The following SCN2A variants were observed in gnomAD, a reference collection of about 807,000 sequenced individuals.
SCN2A encodes the protein sodium voltage-gated channel alpha subunit 2.
SCN2A carries 20 observed loss-of-function variants against 188.7 expected under a neutral mutation model. The observed-to-expected ratio is 0.11, with a 90% CI of 0.07 to 0.15. SCN2A has a LOEUF of 0.15. Ranked by LOEUF, SCN2A falls within the 10% of genes least tolerant of loss-of-function variation. The pLI is 1.00. For synonymous variants in SCN2A, 804 were observed against 833.1 expected, an observed-to-expected ratio of 0.97 and a Z score of 0.60; for missense variants, 1,278 against 2,445.0, an observed-to-expected ratio of 0.52 and a Z score of 10.07.
At chr2:165,296,549 C>A in intron 2 of SCN2A, 1 of 197,714 alleles carries the variant, frequency 5.1e-6, no homozygotes, top group Admixed American at 5.3e-5. Context: ...TTAATTATTC[C>A]TTTATACCAT....
At chr2:165,321,467 A>T (rs1698072600) in intron 11 of SCN2A, among the ~76,000 whole-genome samples, 1 of 152,148 alleles carries the variant, frequency 6.6e-6, no homozygotes, top group Non-Finnish European at 1.5e-5. Flanking sequence ...TTACTGTATT[A>T]ATCTGTTTTC....
intron 1 of SCN2A, among the ~76,000 whole-genome samples, chr2:165,280,004 C>T (rs1389835871): frequency 6.6e-6 from 1 of 152,176 alleles, no homozygotes; most frequent in Non-Finnish European, 1.5e-5. Context: ...CTTGCTCCTT[C>T]TTGCCTTCTG....
intron 14 of SCN2A, among the ~76,000 whole-genome samples, chr2:165,337,795 A>C (rs1489833442): frequency 6.6e-6 from 1 of 152,236 alleles, no homozygotes; most frequent in Non-Finnish European, 1.5e-5. Flanking sequence ...AAGAAATGTT[A>C]ATGGAAGTTC....
intron 25 of SCN2A, among the ~76,000 whole-genome samples, chr2:165,385,748 T>A (rs969173098): frequency 6.6e-6 from 1 of 152,158 alleles, no homozygotes; most frequent in East Asian, 1.9e-4. Flanking sequence ...AACTTTAAAA[T>A]GAAATTTAAG....
intron 20 of SCN2A, chr2:165,372,252 T>A (rs1701074220): frequency 2.0e-5 from 3 of 152,158 alleles, no homozygotes; most frequent in Non-Finnish European, 4.4e-5. Context: ...CAACTCATTG[T>A]TTTCTGTATT....
At chr2:165,261,786 A>G (rs1374412038) in intron 1 of SCN2A, among the ~76,000 whole-genome samples, 1 of 152,224 alleles carries the variant, frequency 6.6e-6, no homozygotes, top group African/African-American at 2.4e-5. Context: ...GATGGTTAAA[A>G]AAAAGGAAAA....
chr2:165,260,250 A>G (rs947311967), intron 1 of SCN2A, among the ~76,000 whole-genome samples: 1 of 151,972 alleles, frequency 6.6e-6, no homozygotes, highest in East Asian at 1.9e-4. Flanking sequence ...GCCAAAATGG[A>G]TTTCTTAATA....
chr2:165,266,784 A>G (rs1478935100), intron 1 of SCN2A: 1 of 152,126 alleles, frequency 6.6e-6, no homozygotes, highest in Non-Finnish European at 1.5e-5. Context: ...TCTGTACAAA[A>G]AAACCTGTTA....
intron 25 of SCN2A, among the ~76,000 whole-genome samples, chr2:165,383,904 A>G (rs1399953147): frequency 2.6e-5 from 4 of 152,070 alleles, no homozygotes; most frequent in Non-Finnish European, 5.9e-5. Context: ...AGAGTGAGAG[A>G]GTGAGAGGAA....
intron 1 of SCN2A, among the ~76,000 whole-genome samples, chr2:165,251,695 C>T (rs1694101335): frequency 6.6e-6 from 1 of 152,054 alleles, no homozygotes; most frequent in African/African-American, 2.4e-5. Context: ...TTGGGGTGCA[C>T]TCTGCTTTGT....
At chr2:165,303,491 G>A (rs1696952339) in intron 3 of SCN2A, among the ~76,000 whole-genome samples, 1 of 151,834 alleles carries the variant, frequency 6.6e-6, no homozygotes. Context: ...TAGCCAGGGT[G>A]GTCTCGATCT....
rs1230063449 is a variant in SCN2A at position 165,370,281 on chromosome 2, A to G, written c.3831A>G (p.Leu1277=). The G allele has an allele frequency of 1.2e-6, 2 of 1,614,126 alleles. No homozygotes were observed. The highest frequency in any genetic ancestry group is 3.3e-5 in the Admixed American group (2 of 60,018). Residue 1277 remains leucine (L), a synonymous_variant, in exon 20 of 27, where the codon CTA becomes CTG. Transcript: ENST00000375437. The part of the protein sequence containing the change: ...QVYFTNAWCW[L]DFLIVDVSLV... ...ATTTTACCAATGCCTGGTGCTGGCTAGACTTCCTGATTGTTGATGTGAGTA... is the reference window on the plus strand; with the variant it reads ...ATTTTACCAATGCCTGGTGCTGGCTGGACTTCCTGATTGTTGATGTGAGTA...
At position 165,370,400 on chromosome 2, in the gene SCN2A, C is replaced by T. The variant is rs2304011; in HGVS notation, c.3849+101C>T. The stretch of plus-strand genomic sequence containing the variant: ...TAGGCACTCAGTAACACTGTATCAG[C>T]CCAAATATAAATTATGTTTCTCATT... On this transcript the variant is annotated intron_variant, in intron 20 of 26. Transcript: ENST00000375437. 4.3e-3 allele frequency: 4,996 copies of T among 1,150,904 alleles called. 82 individuals carry two copies. The East Asian group carries it at 0.052, about 12-fold the overall frequency. The allele number at this position is 1,150,904 out of a possible 1,614,324, so 71.3% of individuals were successfully genotyped here. A position where few individuals can be genotyped will look rare whatever the true frequency, so the allele number is the denominator to read the frequency against.
intron 1 of SCN2A, among the ~76,000 whole-genome samples, chr2:165,282,964 CATT>C (rs1437985956): frequency 6.6e-6 from 1 of 152,158 alleles, no homozygotes; most frequent in African/African-American, 2.4e-5. Flanking sequence ...AGGAACTTGA[CATT>C]ATTTGTTGAA....
chr2:165,372,066 G>A (rs1701061773), intron 20 of SCN2A: 1 of 151,836 alleles, frequency 6.6e-6, no homozygotes, highest in African/African-American at 2.4e-5. Context: ...TCTCTTTTTG[G>A]TTCTGTCTTC....
intron 1 of SCN2A, among the ~76,000 whole-genome samples, chr2:165,283,996 A>C (rs1337647264): frequency 6.6e-6 from 1 of 151,978 alleles, no homozygotes; most frequent in Non-Finnish European, 1.5e-5. Flanking sequence ...ACATTACATG[A>C]AGAAATGAAC....
chr2:165,315,318 T>C (rs969186304), intron 10 of SCN2A, among the ~76,000 whole-genome samples, 153 bp from the exon 11 acceptor site: 1 of 152,208 alleles, frequency 6.6e-6, no homozygotes, highest in Non-Finnish European at 1.5e-5. Flanking sequence ...CTTTGATTGG[T>C]CTAATAACAA....
chr2:165,379,831 G>A (rs1701507523), intron 23 of SCN2A, among the ~76,000 whole-genome samples: 1 of 151,720 alleles, frequency 6.6e-6, no homozygotes, highest in Non-Finnish European at 1.5e-5. Flanking sequence ...GGTTAACTGA[G>A]TTGGTTAGAA....
At chr2:165,240,888 C>T (rs1373281914) in intron 1 of SCN2A, among the ~76,000 whole-genome samples, 1 of 152,116 alleles carries the variant, frequency 6.6e-6, no homozygotes, top group Non-Finnish European at 1.5e-5. Flanking sequence ...TGTAGTTCTA[C>T]ATGGCTCCAT....
Sources: allele counts gnomAD v4.1 joint callset (sites outside exome capture counted in the v4.1 genomes callset), GRCh38; gene constraint gnomAD v4.1.1; transcripts MANE v1.5; gene names NCBI Gene and HGNC (gene_info 2026-07-23, HGNC 2026-07-21).